The following FTSJ1 variants were observed in gnomAD, a reference collection of about 807,000 sequenced individuals.
FTSJ1 encodes the protein FtsJ RNA 2'-O-methyltransferase 1.
Under a neutral mutation model 28.5 loss-of-function variants are expected in FTSJ1, and 3 were observed. The ratio of observed to expected loss-of-function variants is 0.11; its 90% confidence interval spans 0.05 to 0.27. FTSJ1 has a LOEUF of 0.27. Among genes scored for constraint, FTSJ1 ranks in the 10% least tolerant of loss-of-function variants. The pLI, the probability that FTSJ1 is intolerant of heterozygous loss-of-function variation, is 1.00. For missense variants in FTSJ1, 162 were observed against 279.0 expected (o/e 0.58, Z 2.99); for synonymous variants, 104 against 113.9 (o/e 0.91, Z 0.55).
At chrX:48,485,430 T>C (rs2061596453) in intron 12 of FTSJ1, among the ~76,000 whole-genome samples, 1 of 112,316 alleles carries the variant, frequency 8.9e-6, no homozygotes, top group African/African-American at 3.2e-5. Context: ...AAATAACACC[T>C]TGTAGTTATT....
At chrX:48,482,923 C>G in intron 11 of FTSJ1, 63 bp from the exon 12 acceptor site, 1 of 1,208,576 alleles carries the variant, frequency 8.3e-7, no homozygotes, top group East Asian at 3.0e-5. Flanking sequence ...ATTGGTAAAG[C>G]CAAGCATAAT....
At chrX:48,480,368 T>A (rs1320053727) in intron 5 of FTSJ1, among the ~76,000 whole-genome samples, 1 of 110,466 alleles carries the variant, frequency 9.1e-6, no homozygotes, top group Non-Finnish European at 1.9e-5. Context: ...AGGAGGGTGC[T>A]TGCTATGTAT....
At position 48,482,644 on chromosome X, in the gene FTSJ1, C is replaced by G. The variant is rs1556969004; in HGVS notation, c.807C>G (p.Pro269=). The G allele has an allele frequency of 2.5e-6, 3 of 1,204,172 alleles. No homozygotes were observed. Among genetic ancestry groups the G allele is most frequent in the Non-Finnish European group, 2.2e-6 (2 of 891,433 alleles). ...EYKYTPPTQP[P]ISPPYQEACT... ...AGTACACTCCACCCACACAGCCCCC[C>G]ATCTCGCCACCATACCAGGAGGCCT... The change falls in exon 11 of 13, where the codon CCC becomes CCG. Residue 269 remains proline, a synonymous_variant. Coordinates refer to ENST00000348411, the MANE Select transcript of FTSJ1 (RefSeq NM_012280.4).
chrX:48,478,948 C>A, intron 4 of FTSJ1, 90 bp from the exon 5 acceptor site: 1 of 757,225 alleles, frequency 1.3e-6, no homozygotes, highest in Non-Finnish European at 2.1e-6. Context: ...TTTGGCTGAC[C>A]CAGGGGCTGT....
chrX:48,481,929 T>C (rs1260726213), intron 9 of FTSJ1, among the ~76,000 whole-genome samples: 3 of 112,463 alleles, frequency 2.7e-5, no homozygotes, highest in African/African-American at 9.7e-5. Flanking sequence ...GGCAGTCCTC[T>C]AGTGGTAACT....
Position 48,476,278 on chromosome X carries a change from T to G in FTSJ1, c.-206T>G, listed in dbSNP as rs2061531349. 3 of 297,601 alleles carry G rather than the reference T, an allele frequency of 1.0e-5. No homozygotes were observed. The highest frequency in any genetic ancestry group is 1.8e-5 in the Non-Finnish European group (3 of 170,304). The allele number at this position is 297,601 out of a possible 1,213,427, so 24.5% of individuals were successfully genotyped here. A position where few individuals can be genotyped will look rare whatever the true frequency, so the allele number is the denominator to read the frequency against. ...GCCACGCTGCGACAGCCCATAGGCT[T>G]GCCCCCCCGGGCATTCGGGTGGACT... On this transcript the variant is annotated 5_prime_UTR_variant, in exon 1 of 13. Coordinates refer to ENST00000348411, the MANE Select transcript of FTSJ1 (RefSeq NM_012280.4).
Position 48,478,112 on chromosome X carries a change from G to A in FTSJ1, c.65G>A (p.Arg22His). 1 of 1,210,370 alleles carries A rather than the reference G, an allele frequency of 8.3e-7. No individual in the cohort carries two copies. The highest frequency in any genetic ancestry group is 1.8e-5 in the South Asian group (1 of 56,776). ...CGCCTGGCCAAGGAGAATGGCTGGC[G>A]TGCTCGCAGCGCCTTCAAACTGCTA... ...YYRLAKENGWRARSAFKLLQL... is the reference protein window; with the variant it reads ...YYRLAKENGWHARSAFKLLQL... The change falls in exon 2 of 13, where the codon CGT becomes CAT. Residue 22 changes from arginine (R) to histidine (H), a missense_variant. Physicochemically the swap from Arg to His is conservative, Grantham distance 29. Transcript: ENST00000348411.
chrX:48,485,014 C>T (rs977707126), intron 12 of FTSJ1, among the ~76,000 whole-genome samples: 6 of 111,526 alleles, frequency 5.4e-5, no homozygotes, highest in African/African-American at 1.6e-4. Context: ...TCCTAGAGGC[C>T]GGGTGCCGTG....
At chrX:48,478,960 G>A in intron 4 of FTSJ1, 78 bp from the exon 5 acceptor site, 1 of 828,414 alleles carries the variant, frequency 1.2e-6, no homozygotes, top group Non-Finnish European at 1.8e-6. Flanking sequence ...AGGGGCTGTG[G>A]GCCAGGACCA....
chrX:48,478,368 G>C, intron 2 of FTSJ1, 81 bp from the exon 3 acceptor site: 2 of 997,823 alleles, frequency 2.0e-6, no homozygotes, highest in Non-Finnish European at 1.4e-6. Context: ...CTCCCCAGGG[G>C]AGAGGGGTGA....
At chrX:48,481,805 G>A in intron 9 of FTSJ1, 90 bp downstream of exon 9, 1 of 610,485 alleles carries the variant, frequency 1.6e-6, no homozygotes, top group Non-Finnish European at 2.8e-6. Context: ...CACCCCCTGG[G>A]GGAGGCTCTG....
intron 1 of FTSJ1, among the ~76,000 whole-genome samples, chrX:48,477,444 T>G (rs2061539735): frequency 9.0e-6 from 1 of 111,369 alleles, no homozygotes; most frequent in Admixed American, 9.6e-5. Flanking sequence ...AGGGGCCTAA[T>G]CATCTAAGGG....
At chrX:48,481,592 G>C (rs760394) in intron 8 of FTSJ1, 40 bp from the exon 9 acceptor site, 1 of 1,143,723 alleles carries the variant, frequency 8.7e-7, no homozygotes, top group Admixed American at 2.2e-5. Context: ...TGCACGAGGA[G>C]GAAGCGGCAG....
rs1556968990 is a variant in FTSJ1 at position 48,482,619 on chromosome X, A to G, written c.782A>G (p.Lys261Arg). The G allele has an allele frequency of 8.3e-7, 1 of 1,202,756 alleles. No homozygotes were observed. Among genetic ancestry groups the G allele is most frequent in the South Asian group, 1.8e-5 (1 of 55,714 alleles). ...PLDLEGGSEY[K>R]YTPPTQPPIS... ...CAGCTAGAGGGCGGCTCAGAGTACAAGTACACTCCACCCACACAGCCCCCC... is the reference window on the plus strand; with the variant it reads ...CAGCTAGAGGGCGGCTCAGAGTACAGGTACACTCCACCCACACAGCCCCCC... Residue 261 changes from lysine (K) to arginine (R), a missense_variant, in exon 11 of 13, where the codon AAG becomes AGG. Transcript: ENST00000348411.
chrX:48,479,747 G>A (rs1487589945), intron 5 of FTSJ1, among the ~76,000 whole-genome samples: 1 of 112,122 alleles, frequency 8.9e-6, no homozygotes, highest in Non-Finnish European at 1.9e-5. Context: ...GGAGGCTGAG[G>A]TGGGAGGATC....
At chrX:48,479,144 A>G in intron 5 of FTSJ1, 28 bp downstream of exon 5, 1 of 1,077,589 alleles carries the variant, frequency 9.3e-7, no homozygotes, top group Non-Finnish European at 1.3e-6. Context: ...GTGGGAGGCC[A>G]GGCGGGGCCC....
intron 12 of FTSJ1, among the ~76,000 whole-genome samples, 188 bp from the exon 13 acceptor site, chrX:48,485,548 T>G (rs782654708): frequency 9.1e-6 from 1 of 110,349 alleles, no homozygotes; most frequent in East Asian, 2.9e-4. Context: ...CTAGGTGTGG[T>G]GGCACATTCC....
Position 48,481,133 on chromosome X carries a change from C to A in FTSJ1, c.362-18C>A. 1 of 1,202,456 alleles carries A rather than the reference C, an allele frequency of 8.3e-7. No individual in the cohort carries two copies. Among genetic ancestry groups the A allele is most frequent in the South Asian group, 1.8e-5 (1 of 56,618 alleles). On this transcript the variant is annotated intron_variant, in intron 5 of 12. Coordinates refer to ENST00000348411, the MANE Select transcript of FTSJ1 (RefSeq NM_012280.4). ...AGAGCCAGATGGGACCCCCCTAACG[C>A]TGTTCCTCTTGCCACAGTAACCGGT...
chrX:48,479,132 A>T lies in FTSJ1; in HGVS notation c.361+16A>T, dbSNP rs1556967637. ...GCTCCTGATGGTAAATAGCAACAGA[A>T]AGTGGGAGGCCAGGCGGGGCCCCCT... On this transcript the variant is annotated intron_variant, in intron 5 of 12. Transcript: ENST00000348411. 1.7e-6 allele frequency: 2 copies of T among 1,152,949 alleles called. No individual in the cohort carries two copies. Among genetic ancestry groups the T allele is most frequent in the South Asian group, 3.6e-5 (2 of 55,661 alleles).
Sources: gnomAD v4.1 joint callset for allele counts (sites outside exome capture counted in the v4.1 genomes callset) on GRCh38, gnomAD v4.1.1 for gene constraint, MANE v1.5 for transcripts, NCBI Gene and HGNC (gene_info 2026-07-23, HGNC 2026-07-21) for gene names.